THSD7A: variants seen among roughly 807,000 people sequenced by gnomAD.
The protein encoded by THSD7A is thrombospondin type-1 domain-containing protein 7A.
THSD7A carries 96 observed loss-of-function variants against 231.3 expected under a neutral mutation model. That is an observed-to-expected ratio of 0.41 (90% confidence interval 0.35 to 0.49). The LOEUF is 0.49. THSD7A is among the 20% of genes least tolerant of loss of function. The probability of loss-of-function intolerance (pLI) is 0.05; values close to 1 mark genes in which losing one functional copy is unlikely to be tolerated. For missense variants in THSD7A, 2,290 were observed against 2,070.2 expected (o/e 1.11, Z -2.06); for synonymous variants, 940 against 743.3 (o/e 1.26, Z -4.30).
At chr7:11,396,158 G>C (rs1450516141) in intron 23 of THSD7A, among the ~76,000 whole-genome samples, 1 of 152,162 alleles carries the variant, frequency 6.6e-6, no homozygotes, top group Non-Finnish European at 1.5e-5. Flanking sequence ...TGTTTAGAGG[G>C]AAATTTATAG....
At chr7:11,686,293 A>G (rs1159934293) in intron 1 of THSD7A, among the ~76,000 whole-genome samples, 1 of 151,854 alleles carries the variant, frequency 6.6e-6, no homozygotes, top group African/African-American at 2.4e-5. Context: ...TGCACCACAT[A>G]ATATACCCCT....
chr7:11,613,531 C>G (rs1781006033), intron 2 of THSD7A, among the ~76,000 whole-genome samples: 1 of 152,164 alleles, frequency 6.6e-6, no homozygotes, highest in African/African-American at 2.4e-5. Flanking sequence ...CCTCTCACTC[C>G]TATGAACGTC....
At chr7:11,569,981 G>A (rs1790550989) in intron 4 of THSD7A, among the ~76,000 whole-genome samples, 1 of 152,006 alleles carries the variant, frequency 6.6e-6, no homozygotes, top group Non-Finnish European at 1.5e-5. Flanking sequence ...AGACCAGCCT[G>A]GGAAACATGG....
intron 1 of THSD7A, among the ~76,000 whole-genome samples, chr7:11,761,874 A>G (rs1053142088): frequency 4.6e-5 from 7 of 152,070 alleles, no homozygotes; most frequent in Admixed American, 1.3e-4. Context: ...ATAGTACCCA[A>G]TAAGTAGTCT....
intron 13 of THSD7A, among the ~76,000 whole-genome samples, chr7:11,434,821 A>G (rs533682802): frequency 6.6e-6 from 1 of 152,132 alleles, no homozygotes; most frequent in African/African-American, 2.4e-5. Context: ...GAGCAATTAT[A>G]TATTAAAAAC....
rs1780135170 is a variant in THSD7A at position 11,590,878 on chromosome 7, C to T, written c.1272-237G>A. The stretch of plus-strand genomic sequence containing the variant: ...TTTCAATTGCAATTACTGGAAGTTA[C>T]TTATAAATATTTTATGAAAAGGGAG... On this transcript the variant is annotated intron_variant, in intron 3 of 27. Transcript: ENST00000423059. This position sits in a 1 kb window ranked among gnomAD's most constrained non-coding sequence, Gnocchi z 4.4. 6.6e-6 allele frequency among the ~76,000 whole-genome samples: 1 copy of T among 152,076 alleles called. No individual in the cohort carries two copies. The highest frequency in any genetic ancestry group is 6.5e-5 in the Admixed American group (1 of 15,268).
chr7:11,512,290 TG>T (rs1787843867), intron 6 of THSD7A, among the ~76,000 whole-genome samples: 1 of 152,078 alleles, frequency 6.6e-6, no homozygotes, highest in Non-Finnish European at 1.5e-5. Context: ...AAGCAACAGG[TG>T]CTGGAGAGGA....
At chr7:11,488,963 T>G (rs1200693510) in intron 6 of THSD7A, among the ~76,000 whole-genome samples, 1 of 152,090 alleles carries the variant, frequency 6.6e-6, no homozygotes, top group East Asian at 1.9e-4. Flanking sequence ...TGAACATTAT[T>G]TGACTTTCTC....
intron 1 of THSD7A, among the ~76,000 whole-genome samples, chr7:11,662,530 G>C (rs181579400): frequency 1.4e-3 from 213 of 151,368 alleles, no homozygotes; most frequent in Non-Finnish European, 2.5e-3. Context: ...TAGAAGATTA[G>C]AACAACATGA....
In THSD7A at chr7:11,637,872, T is replaced by C. The variant is rs1781930416; in HGVS notation, c.191-911A>G. ...GTAGATGATATGATTTTCAGTACTT[T>C]AATAGACAGATCCCAATTTACGAAA... is the stretch of plus-strand genomic sequence containing the variant. On this transcript the variant is annotated intron_variant, in intron 1 of 27. Transcript: ENST00000423059. The surrounding 1 kb of genome is among the most constrained non-coding windows in gnomAD (Gnocchi z 4.2). Among the ~76,000 whole-genome samples the C allele has an allele frequency of 6.6e-6, 1 of 152,238 alleles. No homozygotes were observed. Among genetic ancestry groups the C allele is most frequent in the Non-Finnish European group, 1.5e-5 (1 of 68,038 alleles).
intron 6 of THSD7A, among the ~76,000 whole-genome samples, chr7:11,506,066 G>A (rs1000499101): frequency 1.3e-5 from 2 of 152,184 alleles, no homozygotes; most frequent in African/African-American, 4.8e-5. Flanking sequence ...CAGGAATGAA[G>A]CAGCATCCTC....
chr7:11,415,913 A>T (rs4720983), intron 17 of THSD7A, among the ~76,000 whole-genome samples: 64,505 of 151,948 alleles, frequency 0.42, 14,378 homozygotes, highest in African/African-American at 0.57. Context: ...TTTCTGTATG[A>T]CACTTATCTT....
At chr7:11,578,312 A>C (rs1450996658) in intron 4 of THSD7A, among the ~76,000 whole-genome samples, 3 of 152,366 alleles carry the variant, frequency 2.0e-5, no homozygotes, top group South Asian at 2.1e-4. Flanking sequence ...TCATCTCATT[A>C]AGCCTTTAAA....
intron 1 of THSD7A, among the ~76,000 whole-genome samples, chr7:11,803,799 T>C (rs1282502386): frequency 2.6e-5 from 4 of 152,122 alleles, no homozygotes; most frequent in Non-Finnish European, 5.9e-5. Context: ...CAAGACAATC[T>C]AATTGTTCTA....
At chr7:11,620,903 C>A (rs1781286058) in intron 2 of THSD7A, among the ~76,000 whole-genome samples, 1 of 152,124 alleles carries the variant, frequency 6.6e-6, no homozygotes, top group Non-Finnish European at 1.5e-5. Flanking sequence ...TCCATAGCAA[C>A]AATATAGGAC....
At chr7:11,490,586 T>G (rs541311861) in intron 6 of THSD7A, among the ~76,000 whole-genome samples, 1 of 152,210 alleles carries the variant, frequency 6.6e-6, no homozygotes, top group East Asian at 1.9e-4. Context: ...TATAATCAAA[T>G]GCACATGTAT....
At chr7:11,770,657 T>C (rs1013972268) in intron 1 of THSD7A, among the ~76,000 whole-genome samples, 2 of 152,198 alleles carry the variant, frequency 1.3e-5, no homozygotes, top group Non-Finnish European at 2.9e-5. Flanking sequence ...TTCGGTAGGA[T>C]TCACAACCAA....
intron 1 of THSD7A, among the ~76,000 whole-genome samples, chr7:11,688,696 G>C (rs1780140405): frequency 6.6e-6 from 1 of 151,820 alleles, no homozygotes; most frequent in Admixed American, 6.6e-5. Context: ...TGTGTGTACA[G>C]GTGCGTGGAG....
intron 2 of THSD7A, among the ~76,000 whole-genome samples, chr7:11,601,400 C>G (rs949794417): frequency 6.6e-6 from 1 of 152,136 alleles, no homozygotes; most frequent in Middle Eastern, 3.2e-3. Context: ...TGCACCTGCA[C>G]TGGGGACACT....
Sources: gnomAD v4.1 joint callset for allele counts (sites outside exome capture counted in the v4.1 genomes callset) on GRCh38, gnomAD v4.1.1 for gene constraint, Gnocchi (gnomAD v3.1) non-coding constraint, MANE v1.5 for transcripts, NCBI Gene and HGNC (gene_info 2026-07-23, HGNC 2026-07-21) for gene names.